Variants in ZNF710 observed in about 807,000 individuals in gnomAD.
ZNF710 encodes the protein zinc finger protein 710.
In ZNF710, 13 loss-of-function variants were observed where a neutral mutation model predicts 50.6. The observed-to-expected ratio is 0.26, with a 90% CI of 0.17 to 0.41. The LOEUF (loss-of-function observed/expected upper bound fraction) is 0.41, where lower values mean the gene tolerates loss of function less well. Ranked by LOEUF, ZNF710 falls within the 10% of genes least tolerant of loss-of-function variation. The pLI, the probability that ZNF710 is intolerant of heterozygous loss-of-function variation, is 1.00. For missense variants in ZNF710, 721 were observed against 936.6 expected, an observed-to-expected ratio of 0.77 and a Z score of 3.01; for synonymous variants, 383 against 397.0, an observed-to-expected ratio of 0.96 and a Z score of 0.42.
intron 1 of ZNF710, among the ~76,000 whole-genome samples, chr15:90,026,263 C>CAAAAAAAAAA (rs140942275): frequency 3.0e-5 from 3 of 100,530 alleles, no homozygotes; most frequent in South Asian, 3.2e-4. Flanking sequence ...ACAACAACAA[C>CAAAAAAAAAA]AACAACAAAA....
In ZNF710 at chr15:90,068,485, T is replaced by C. The variant is rs1900267895; in HGVS notation, c.1348T>C (p.Leu450=). The C allele has an allele frequency of 6.2e-7, 1 of 1,614,074 alleles. No individual in the cohort carries two copies. Among genetic ancestry groups the C allele is most frequent in the Admixed American group, 1.7e-5 (1 of 60,036 alleles). The change falls in exon 2 of 5, where the codon TTG becomes CTG. Residue 450 remains leucine (L), a synonymous_variant. Coordinates refer to ENST00000268154, the MANE Select transcript of ZNF710 (RefSeq NM_198526.4). The surrounding 1 kb of genome is among the most constrained non-coding windows in gnomAD (Gnocchi z 5.0). The part of the protein sequence containing the change: ...CDKSFHYRSQ[L]QNHMLKHQNV... The stretch of plus-strand genomic sequence containing the variant: ...CAAGTCCTTCCACTACCGCAGCCAG[T>C]TGCAGAACCACATGCTCAAGCACCA...
intron 2 of ZNF710, among the ~76,000 whole-genome samples, chr15:90,072,386 A>G (rs1353222257): frequency 6.6e-6 from 1 of 152,190 alleles, no homozygotes; most frequent in Non-Finnish European, 1.5e-5. Context: ...GCAAGGCTGT[A>G]TGTTGGATGA....
At position 90,003,895 on chromosome 15, in the gene ZNF710, T is replaced by C. The variant is rs897800404; in HGVS notation, c.-29+2281T>C. ...CTTTCCTGCATGAGGGCCGTGGGGA[T>C]AGAGCTGCTTTCTTTTGGGTAGGGG... is the stretch of plus-strand genomic sequence containing the variant. On this transcript the variant is annotated intron_variant, in intron 1 of 4. Coordinates refer to ENST00000268154, the MANE Select transcript of ZNF710 (RefSeq NM_198526.4). Among the ~76,000 whole-genome samples, 3 of 152,022 alleles carry C rather than the reference T, an allele frequency of 2.0e-5. No individual in the cohort carries two copies. The South Asian group carries it at 6.2e-4, about 32-fold the overall frequency.
intron 1 of ZNF710, among the ~76,000 whole-genome samples, chr15:90,023,179 C>T (rs569125236): frequency 1.3e-5 from 2 of 152,256 alleles, no homozygotes; most frequent in South Asian, 4.1e-4. Flanking sequence ...AACCCAGATG[C>T]GATGAGTCCA....
chr15:90,008,830 C>T (rs530674650), intron 1 of ZNF710, among the ~76,000 whole-genome samples: 1 of 151,596 alleles, frequency 6.6e-6, no homozygotes, highest in East Asian at 1.9e-4. Context: ...AAAGGATTTT[C>T]TGATATTAAA....
At chr15:90,076,248 T>C (rs1900587053) in intron 4 of ZNF710, 1 of 152,262 alleles carries the variant, frequency 6.6e-6, no homozygotes, top group Non-Finnish European at 1.5e-5. Flanking sequence ...GGTTCAAATG[T>C]AAGTGATCTG....
At chr15:90,021,877 G>A (rs2151475838) in intron 1 of ZNF710, among the ~76,000 whole-genome samples, 1 of 152,282 alleles carries the variant, frequency 6.6e-6, no homozygotes, top group African/African-American at 2.4e-5. Flanking sequence ...CCTGAGGTCA[G>A]AAGTTCAAGA....
rs144341193 is a variant in ZNF710, at chr15:90,068,451, C to T, written c.1314C>T (p.Leu438=). 1.9e-5 allele frequency: 31 copies of T among 1,614,138 alleles called. No homozygotes were observed. In the African/African-American group the frequency reaches 2.4e-4, roughly 12 times the overall value. Residue 438 remains leucine, a synonymous_variant, in exon 2 of 5, where the codon CTC becomes CTT. Coordinates refer to ENST00000268154, the MANE Select transcript of ZNF710 (RefSeq NM_198526.4). This position sits in a 1 kb window ranked among gnomAD's most constrained non-coding sequence, Gnocchi z 5.0. ...AGGGCCCCACCCTCTACCAGTGCCT[C>T]GAGTGTGACAAGTCCTTCCACTACC... is the stretch of plus-strand genomic sequence containing the variant. ...SHQGPTLYQC[L]ECDKSFHYRS...
chr15:90,067,908 C>T lies in ZNF710; in HGVS notation c.771C>T (p.Asp257=), dbSNP rs1900239667. The T allele has an allele frequency of 6.2e-7, 1 of 1,608,872 alleles. No homozygotes were observed. The highest frequency in any genetic ancestry group is 8.5e-7 in the Non-Finnish European group (1 of 1,177,146). The change falls in exon 2 of 5, where the codon GAC becomes GAT. Residue 257 remains aspartate (D), a synonymous_variant. Coordinates refer to ENST00000268154, the MANE Select transcript of ZNF710 (RefSeq NM_198526.4). The surrounding 1 kb of genome is among the most constrained non-coding windows in gnomAD (Gnocchi z 8.1). ...AGGAGGCCAGTGAGTTCGAGGCTGA[C>T]ACGGCGGGTTCGACCGTGGAACGCC... ...VWQEASEFEA[D]TAGSTVERHK...
At position 90,055,196 on chromosome 15, in the gene ZNF710, A is replaced by T. The variant is rs533786830; in HGVS notation, c.-28-11914A>T. Reference sequence around the variant, plus strand: ...ATAAGGTCCAGGAAGGAAAAGTATGAAATTTGAGATTGCACAGGACCTGGG... The same window carrying T: ...ATAAGGTCCAGGAAGGAAAAGTATGTAATTTGAGATTGCACAGGACCTGGG... On this transcript the variant is annotated intron_variant, in intron 1 of 4. Coordinates refer to ENST00000268154, the MANE Select transcript of ZNF710 (RefSeq NM_198526.4). Among the ~76,000 whole-genome samples the T allele has an allele frequency of 2.0e-5, 3 of 152,292 alleles. No individual in the cohort carries two copies. In the East Asian group the frequency reaches 5.8e-4, roughly 29 times the overall value.
chr15:90,045,475 TGAGAG>T, intron 1 of ZNF710: 2 of 896,036 alleles, frequency 2.2e-6, no homozygotes, highest in Non-Finnish European at 2.7e-6. Flanking sequence ...GCAGAAGCCA[TGAGAG>T]ATGGTTTCTC....
intron 1 of ZNF710, among the ~76,000 whole-genome samples, chr15:90,020,492 C>G (rs1029516981): frequency 6.6e-6 from 1 of 151,470 alleles, no homozygotes; most frequent in Non-Finnish European, 1.5e-5. Context: ...CTCCCCGCCC[C>G]CGGGGAGACA....
chr15:90,008,439 T>TATATACACATATATATATAC (rs1898200991), intron 1 of ZNF710, among the ~76,000 whole-genome samples: 1 of 140,140 alleles, frequency 7.1e-6, no homozygotes, highest in African/African-American at 2.9e-5. Context: ...TATATATATA[T>TATATACACATATATATATAC]ACATATATAT....
rs538419165 is a variant in ZNF710 at position 90,068,112 on chromosome 15, C to T, written c.975C>T (p.Cys325=). ...LGHNGIKPHS[C]PHCSKLFKQP... is the part of the protein sequence containing the mutation. ...ACAACGGCATCAAGCCACACTCGTG[C>T]CCACACTGCAGCAAGCTCTTCAAGC... Residue 325 remains cysteine, a synonymous_variant, in exon 2 of 5, where the codon TGC becomes TGT. Transcript: ENST00000268154. This position sits in a 1 kb window ranked among gnomAD's most constrained non-coding sequence, Gnocchi z 5.0. The T allele has an allele frequency of 3.6e-5, 58 of 1,614,266 alleles. No homozygotes were observed. The African/African-American group carries it at 5.6e-4, about 16-fold the overall frequency.
intron 1 of ZNF710, among the ~76,000 whole-genome samples, chr15:90,042,346 C>T (rs537809348): frequency 7.2e-5 from 11 of 151,990 alleles, no homozygotes; most frequent in Non-Finnish European, 1.3e-4. Context: ...TCCATTGTGT[C>T]TCCCCCCCAC....
intron 2 of ZNF710, among the ~76,000 whole-genome samples, chr15:90,070,459 C>A (rs1333660356): frequency 4.6e-5 from 7 of 151,660 alleles, no homozygotes; most frequent in Non-Finnish European, 8.8e-5. Flanking sequence ...ATCACTTGAG[C>A]CCAGGAGTTT....
At position 90,034,291 on chromosome 15, in the gene ZNF710, A is replaced by T. The variant is rs1042424505; in HGVS notation, c.-29+32677A>T. 1.3e-5 allele frequency among the ~76,000 whole-genome samples: 2 copies of T among 151,916 alleles called. No individual in the cohort carries two copies. The highest frequency in any genetic ancestry group is 4.8e-5 in the African/African-American group (2 of 41,352). ...CTGCCAGATAGAAACAAGATATCAC[A>T]TGCAAGAGGCTCTACACATGGTCTG... On this transcript the variant is annotated intron_variant, in intron 1 of 4. Transcript: ENST00000268154. This position sits in a 1 kb window ranked among gnomAD's most constrained non-coding sequence, Gnocchi z 4.0.
intron 1 of ZNF710, among the ~76,000 whole-genome samples, 156 bp from the exon 2 acceptor site, chr15:90,066,954 A>G (rs1900187589): frequency 6.6e-6 from 1 of 152,172 alleles, no homozygotes; most frequent in Non-Finnish European, 1.5e-5. Flanking sequence ...ACTGCTCCCT[A>G]TAATAACAAG....
intron 1 of ZNF710, among the ~76,000 whole-genome samples, chr15:90,030,329 CAAAAAAAAAA>C (rs10685083): frequency 3.8e-4 from 19 of 50,506 alleles, no homozygotes; most frequent in Admixed American, 1.7e-3. Flanking sequence ...AACTCCATCT[CAAAAAAAAAA>C]AAAAAAAAAA....
Sources: gnomAD v4.1 joint callset for allele counts (sites outside exome capture counted in the v4.1 genomes callset) on GRCh38, gnomAD v4.1.1 for gene constraint, Gnocchi (gnomAD v3.1) non-coding constraint, MANE v1.5 for transcripts, NCBI Gene and HGNC (gene_info 2026-07-23, HGNC 2026-07-21) for gene names.